Variants in LCLAT1 observed in about 807,000 individuals in gnomAD.
LCLAT1 encodes lysocardiolipin acyltransferase 1.
LCLAT1 carries 11 observed loss-of-function variants against 30.7 expected under a neutral mutation model. The ratio of observed to expected loss-of-function variants is 0.36; its 90% CI spans 0.23 to 0.59. LCLAT1 has a LOEUF of 0.59. Among genes scored for constraint, LCLAT1 ranks in the 20% least tolerant of loss-of-function variants. LCLAT1 has a pLI of 0.77. For synonymous variants in LCLAT1, 155 were observed against 151.3 expected, an observed-to-expected ratio of 1.02 and a Z score of -0.18; for missense variants, 402 against 458.6, an observed-to-expected ratio of 0.88 and a Z score of 1.13.
intron 5 of LCLAT1, among the ~76,000 whole-genome samples, chr2:30,580,980 G>C (rs1356296161): frequency 6.6e-6 from 1 of 152,154 alleles, no homozygotes; most frequent in African/African-American, 2.4e-5. Context: ...GAGAAGGTGA[G>C]GGATGCTTTG....
At chr2:30,572,322 T>C (rs1011664679) in intron 5 of LCLAT1, among the ~76,000 whole-genome samples, 4 of 152,234 alleles carry the variant, frequency 2.6e-5, no homozygotes, top group East Asian at 1.9e-4. Context: ...CTAACACTTA[T>C]CAAGTTCTTC....
At chr2:30,478,913 C>T (rs1242013541) in intron 1 of LCLAT1, among the ~76,000 whole-genome samples, 1 of 152,118 alleles carries the variant, frequency 6.6e-6, no homozygotes, top group East Asian at 1.9e-4. Flanking sequence ...GGGAATCAAG[C>T]CTCCTGGGAT....
At chr2:30,627,915 C>T (rs951692570) in intron 5 of LCLAT1, among the ~76,000 whole-genome samples, 3 of 152,104 alleles carry the variant, frequency 2.0e-5, no homozygotes, top group African/African-American at 7.2e-5. Context: ...TTAAAACTCA[C>T]ATTTTAAATT....
At chr2:30,534,633 T>C (rs1335034346) in intron 3 of LCLAT1, among the ~76,000 whole-genome samples, 1 of 152,200 alleles carries the variant, frequency 6.6e-6, no homozygotes, top group African/African-American at 2.4e-5. Context: ...TTTGCCACTT[T>C]TCCAATATAG....
At chr2:30,508,737 A>G (rs531067941) in intron 1 of LCLAT1, among the ~76,000 whole-genome samples, 1 of 152,064 alleles carries the variant, frequency 6.6e-6, no homozygotes, top group South Asian at 2.1e-4. Context: ...CAAAAAGTGA[A>G]GAGCTCTTTG....
In LCLAT1 at chr2:30,639,344, AC is replaced by A. The variant is rs1358611888; in HGVS notation, c.629-772del. Among the ~76,000 whole-genome samples the A allele has an allele frequency of 2.0e-5, 3 of 151,902 alleles. No individual in the cohort carries two copies. In the East Asian group the frequency reaches 5.8e-4, roughly 29 times the overall value. On this transcript the variant is annotated intron_variant, in intron 5 of 5. Coordinates refer to ENST00000379509, the MANE Select transcript of LCLAT1 (RefSeq NM_001002257.3). ...TGAGTGAGGTTTAGGACCATGTCTT[AC>A]TTGACTGTCTATCTCCAGCATCTAG...
rs886638256 is a variant in LCLAT1, at chr2:30,570,466, A to G, written c.628+2290A>G. 4.6e-5 allele frequency among the ~76,000 whole-genome samples: 7 copies of G among 152,340 alleles called. No homozygotes were observed. The South Asian group carries it at 1.2e-3, about 27-fold the overall frequency. On this transcript the variant is annotated intron_variant, in intron 5 of 5. Coordinates refer to ENST00000379509, the MANE Select transcript of LCLAT1 (RefSeq NM_001002257.3). ...GCATTATGCTGTGTGTTTTATGCCT[A>G]TGATCAATTCATCTTCACAACAACT...
chr2:30,566,657 T>G (rs937763333), intron 4 of LCLAT1, among the ~76,000 whole-genome samples: 2 of 152,250 alleles, frequency 1.3e-5, no homozygotes, highest in African/African-American at 4.8e-5. Context: ...AATAATAGTT[T>G]ATCAATTTCG....
At chr2:30,465,943 A>T (rs1162850882) in intron 1 of LCLAT1, among the ~76,000 whole-genome samples, 1 of 152,048 alleles carries the variant, frequency 6.6e-6, no homozygotes, top group Non-Finnish European at 1.5e-5. Flanking sequence ...CAAGTGGTAG[A>T]TTATATAACT....
chr2:30,543,134 G>A (rs1664231237), intron 3 of LCLAT1, among the ~76,000 whole-genome samples: 1 of 151,920 alleles, frequency 6.6e-6, no homozygotes, highest in African/African-American at 2.4e-5. Flanking sequence ...AGGTTGAGGA[G>A]TTCCCTTCTA....
At chr2:30,559,744 C>T (rs1403940800) in intron 3 of LCLAT1, among the ~76,000 whole-genome samples, 2 of 152,140 alleles carry the variant, frequency 1.3e-5, no homozygotes, top group African/African-American at 2.4e-5. Flanking sequence ...TCATCTCTTT[C>T]TAGTTAAGTA....
intron 1 of LCLAT1, among the ~76,000 whole-genome samples, chr2:30,478,566 T>C (rs1183028171): frequency 6.6e-6 from 1 of 152,082 alleles, no homozygotes; most frequent in Non-Finnish European, 1.5e-5. Context: ...ATAGTCCTAG[T>C]ACTTAGGAGG....
intron 1 of LCLAT1, among the ~76,000 whole-genome samples, chr2:30,503,844 TTG>T (rs1684518417): frequency 6.6e-6 from 1 of 152,246 alleles, no homozygotes; most frequent in Non-Finnish European, 1.5e-5. Flanking sequence ...TCTTTGCATT[TTG>T]TCCTAGCTTG....
At chr2:30,459,883 A>G (rs1421520069) in intron 1 of LCLAT1, among the ~76,000 whole-genome samples, 1 of 152,134 alleles carries the variant, frequency 6.6e-6, no homozygotes, top group Non-Finnish European at 1.5e-5. Context: ...ATAAGCATTC[A>G]TTTCTATTGG....
chr2:30,622,051 G>A (rs1296047890), intron 5 of LCLAT1, among the ~76,000 whole-genome samples: 2 of 152,190 alleles, frequency 1.3e-5, no homozygotes, highest in African/African-American at 4.8e-5. Flanking sequence ...CTCACCGGCT[G>A]CCTGGAAATA....
In LCLAT1 at chr2:30,479,377, A is replaced by G. The variant is rs557908259; in HGVS notation, c.-5+31994A>G. Among the ~76,000 whole-genome samples, 155 of 152,008 alleles carry G rather than the reference A, an allele frequency of 1.0e-3. 1 individual carries two copies. The highest frequency in any genetic ancestry group is 3.4e-3 in the Middle Eastern group (1 of 294). ...CCCAAGTAGTTGGGACCACAGGCTCATGTCGCCATCCCCATCTGTGGAGGA... is the reference window on the plus strand; with the variant it reads ...CCCAAGTAGTTGGGACCACAGGCTCGTGTCGCCATCCCCATCTGTGGAGGA... On this transcript the variant is annotated intron_variant, in intron 1 of 5. Transcript: ENST00000379509.
chr2:30,516,252 C>T (rs1298294472), intron 1 of LCLAT1, among the ~76,000 whole-genome samples: 1 of 152,104 alleles, frequency 6.6e-6, no homozygotes, highest in African/African-American at 2.4e-5. Flanking sequence ...TTTGTTTTCA[C>T]TCTATTAAAT....
At chr2:30,454,610 G>A (rs894538802) in intron 1 of LCLAT1, among the ~76,000 whole-genome samples, 8 of 147,950 alleles carry the variant, frequency 5.4e-5, no homozygotes, top group Non-Finnish European at 1.0e-4. Flanking sequence ...GTGCCACCGC[G>A]TCTGGCTAAT....
intron 5 of LCLAT1, among the ~76,000 whole-genome samples, chr2:30,621,099 G>C (rs1458134008): frequency 6.6e-6 from 1 of 152,132 alleles, no homozygotes; most frequent in East Asian, 1.9e-4. Flanking sequence ...CAGGTATCTT[G>C]ATAGGACACT....
Sources: gnomAD v4.1 joint callset for allele counts (sites outside exome capture counted in the v4.1 genomes callset) on GRCh38, gnomAD v4.1.1 for gene constraint, MANE v1.5 for transcripts, NCBI Gene and HGNC (gene_info 2026-07-23, HGNC 2026-07-21) for gene names.